The following GAS7 variants were observed in gnomAD, a reference collection of about 807,000 sequenced individuals.
The protein encoded by GAS7 is growth arrest-specific protein 7.
GAS7 carries 28 observed loss-of-function variants against 71.1 expected under a neutral mutation model. The ratio of observed to expected loss-of-function variants is 0.39; its 90% CI spans 0.29 to 0.54. The LOEUF is 0.54. Among genes scored for constraint, GAS7 ranks in the 20% least tolerant of loss-of-function variants. GAS7 has a pLI of 0.62. For synonymous variants in GAS7, 258 were observed against 245.8 expected (o/e 1.05, Z -0.46); for missense variants, 436 against 627.8 (o/e 0.69, Z 3.27).
chr17:10,174,289 T>C (rs2074355488), intron 1 of GAS7, among the ~76,000 whole-genome samples: 1 of 152,212 alleles, frequency 6.6e-6, no homozygotes, highest in Non-Finnish European at 1.5e-5. Flanking sequence ...ATTTGGGGAC[T>C]GAGTAGAGAT....
intron 1 of GAS7, among the ~76,000 whole-genome samples, chr17:10,145,816 C>T (rs2074116942): frequency 6.6e-6 from 1 of 152,190 alleles, no homozygotes; most frequent in African/African-American, 2.4e-5. Flanking sequence ...AGACACCTCC[C>T]AGCTCTCTAA....
intron 1 of GAS7, among the ~76,000 whole-genome samples, chr17:10,125,702 G>A (rs2073940539): frequency 6.6e-6 from 1 of 151,950 alleles, no homozygotes. Context: ...CCGGGTGTGA[G>A]GGGGTCAGCT....
chr17:9,992,266 T>C (rs542494540), intron 2 of GAS7, among the ~76,000 whole-genome samples: 3 of 152,112 alleles, frequency 2.0e-5, no homozygotes, highest in African/African-American at 7.2e-5. Context: ...CCCCAGATGT[T>C]ACCCCAACCT....
chr17:10,192,808 G>A (rs1438659176), intron 1 of GAS7, among the ~76,000 whole-genome samples: 1 of 152,130 alleles, frequency 6.6e-6, no homozygotes, highest in Non-Finnish European at 1.5e-5. Flanking sequence ...CTAACACCAG[G>A]AGCTACAAAT....
At chr17:10,003,381 C>T (rs2071347537) in intron 2 of GAS7, among the ~76,000 whole-genome samples, 1 of 152,240 alleles carries the variant, frequency 6.6e-6, no homozygotes, top group Admixed American at 6.5e-5. Context: ...AAAACAGTGA[C>T]ATTGTCTGTA....
intron 1 of GAS7, among the ~76,000 whole-genome samples, chr17:10,184,246 C>T (rs996917817): frequency 1.3e-5 from 2 of 152,182 alleles, no homozygotes; most frequent in Non-Finnish European, 2.9e-5. Context: ...CTGAATCCTG[C>T]ACTTCCTCCT....
At chr17:10,148,623 A>T (rs2142104875) in intron 1 of GAS7, among the ~76,000 whole-genome samples, 1 of 150,338 alleles carries the variant, frequency 6.7e-6, no homozygotes, top group African/African-American at 2.4e-5. Context: ...AGAAAAAAAA[A>T]AAAAAAGGCC....
At chr17:10,131,845 G>A (rs1254059040) in intron 1 of GAS7, among the ~76,000 whole-genome samples, 1 of 152,116 alleles carries the variant, frequency 6.6e-6, no homozygotes, top group Admixed American at 6.5e-5. Flanking sequence ...GCTCATGAGT[G>A]TATTAAAACA....
chr17:10,140,389 G>A (rs1212370053), intron 1 of GAS7, among the ~76,000 whole-genome samples: 1 of 152,076 alleles, frequency 6.6e-6, no homozygotes, highest in South Asian at 2.1e-4. Flanking sequence ...TTGAGTCCGG[G>A]GGTTGAGGCT....
intron 2 of GAS7, among the ~76,000 whole-genome samples, chr17:9,999,689 T>A (rs2071189541): frequency 6.6e-6 from 1 of 152,206 alleles, no homozygotes; most frequent in African/African-American, 2.4e-5. Context: ...GATGGCCATT[T>A]AGCCCCACGG....
At chr17:9,995,983 C>T (rs1262421606) in intron 2 of GAS7, among the ~76,000 whole-genome samples, 1 of 152,194 alleles carries the variant, frequency 6.6e-6, no homozygotes, top group Non-Finnish European at 1.5e-5. Context: ...AACAAAAGGG[C>T]ATAAATAAAA....
intron 1 of GAS7, among the ~76,000 whole-genome samples, chr17:10,167,738 AC>A (rs1204389756): frequency 5.9e-5 from 9 of 151,416 alleles, no homozygotes; most frequent in African/African-American, 1.9e-4. Context: ...TCGCTCTGTC[AC>A]CCAGGCTGGA....
At chr17:9,937,674 T>A (rs2068450128) in intron 8 of GAS7, among the ~76,000 whole-genome samples, 1 of 152,182 alleles carries the variant, frequency 6.6e-6, no homozygotes, top group Non-Finnish European at 1.5e-5. Context: ...CACATTTGGG[T>A]TGGCAAAATC....
chr17:9,913,452 G>A lies in GAS7; in HGVS notation c.*3776C>T, dbSNP rs569930467. ...TGTTATGGCTTGTATTTCCAAAAGG[G>A]ACTTTGGCTCAGCCCAGATTTTTCT... On this transcript the variant is annotated 3_prime_UTR_variant, in exon 14 of 14. Transcript: ENST00000432992. The A allele has an allele frequency of 1.3e-5, 3 of 232,806 alleles. No homozygotes were observed. The South Asian group carries it at 5.4e-4, about 42-fold the overall frequency. 14.4% of individuals were successfully genotyped at this position (232,806 alleles called of 1,614,324 possible). A position where few individuals can be genotyped will look rare whatever the true frequency, so the allele number is the denominator to read the frequency against.
At chr17:10,124,548 C>T (rs543640712) in intron 1 of GAS7, among the ~76,000 whole-genome samples, 18 of 152,318 alleles carry the variant, frequency 1.2e-4, no homozygotes, top group African/African-American at 4.3e-4. Context: ...GGCTCTCTTT[C>T]GGCCTGCAAA....
At chr17:10,088,400 T>C (rs4558451) in intron 1 of GAS7, among the ~76,000 whole-genome samples, 74,924 of 151,500 alleles carry the variant, frequency 0.49, 18,929 homozygotes, top group African/African-American at 0.55. Flanking sequence ...AACCATCATT[T>C]TTGGCTCTAA....
intron 8 of GAS7, among the ~76,000 whole-genome samples, chr17:9,938,327 T>C (rs2068473186): frequency 6.6e-6 from 1 of 151,780 alleles, no homozygotes; most frequent in African/African-American, 2.4e-5. Context: ...ACCAACATGG[T>C]GAAACCCCGT....
chr17:10,178,965 G>A (rs965681932), intron 1 of GAS7, among the ~76,000 whole-genome samples: 1 of 151,900 alleles, frequency 6.6e-6, no homozygotes, highest in African/African-American at 2.4e-5. Context: ...GGCACAGAAA[G>A]AGCTCAAAAA....
intron 9 of GAS7, among the ~76,000 whole-genome samples, chr17:9,927,316 C>CAT (rs2068043070): frequency 6.7e-6 from 1 of 150,006 alleles, no homozygotes; most frequent in African/African-American, 2.5e-5. Flanking sequence ...CACACACACA[C>CAT]ACACACACAC....
Sources: gnomAD v4.1 joint callset for allele counts (sites outside exome capture counted in the v4.1 genomes callset) on GRCh38, gnomAD v4.1.1 for gene constraint, MANE v1.5 for transcripts, NCBI Gene and HGNC (gene_info 2026-07-23, HGNC 2026-07-21) for gene names.